FRMD4B: variants seen among roughly 807,000 people sequenced by gnomAD.
FRMD4B encodes FERM domain containing 4B.
Under a neutral mutation model 141.5 loss-of-function variants are expected in FRMD4B, and 74 were observed. The ratio of observed to expected loss-of-function variants is 0.52; its 90% CI spans 0.43 to 0.63. FRMD4B has a LOEUF of 0.63. Among genes scored for constraint, FRMD4B ranks in the 30% least tolerant of loss-of-function variants. The probability of loss-of-function intolerance (pLI) is 0.00; values close to 1 mark genes in which losing one functional copy is unlikely to be tolerated. For synonymous variants in FRMD4B, 506 were observed against 467.9 expected (o/e 1.08, Z -1.05); for missense variants, 1,366 against 1,253.4 (o/e 1.09, Z -1.36).
intron 1 of FRMD4B, among the ~76,000 whole-genome samples, chr3:69,326,208 C>T (rs1485382989): frequency 1.3e-5 from 2 of 151,180 alleles, no homozygotes; most frequent in Admixed American, 6.6e-5. Flanking sequence ...CCTCCCGCCT[C>T]GGCCTCCCAT....
At chr3:69,182,882 G>A (rs947196486) in intron 19 of FRMD4B, among the ~76,000 whole-genome samples, 165 bp from the exon 20 acceptor site, 1 of 152,078 alleles carries the variant, frequency 6.6e-6, no homozygotes, top group African/African-American at 2.4e-5. Flanking sequence ...AAGAAAACCC[G>A]CTAAAACAGC....
intron 1 of FRMD4B, among the ~76,000 whole-genome samples, chr3:69,336,145 A>G (rs1252164789): frequency 1.3e-5 from 2 of 152,064 alleles, no homozygotes; most frequent in Admixed American, 6.6e-5. Flanking sequence ...ACAGTTTAAG[A>G]AAAAAAAGGC....
chr3:69,252,322 A>C (rs1039427691), intron 5 of FRMD4B, among the ~76,000 whole-genome samples: 6 of 152,194 alleles, frequency 3.9e-5, no homozygotes, highest in Admixed American at 3.3e-4. Flanking sequence ...TGGGGAGCAA[A>C]TATCCAACTC....
At chr3:69,234,768 T>C (rs937984219) in intron 7 of FRMD4B, among the ~76,000 whole-genome samples, 6 of 152,178 alleles carry the variant, frequency 3.9e-5, no homozygotes, top group East Asian at 1.9e-4. Flanking sequence ...CCAGACCTAC[T>C]GGATCAGAAA....
chr3:69,173,975 A>G (rs779190651), intron 22 of FRMD4B, among the ~76,000 whole-genome samples: 1 of 152,128 alleles, frequency 6.6e-6, no homozygotes, highest in Non-Finnish European at 1.5e-5. Flanking sequence ...TGTCTCTATT[A>G]AAAATACAAA....
At chr3:69,537,039 C>T (rs984006492) in intron 1 of FRMD4B, among the ~76,000 whole-genome samples, 1 of 152,220 alleles carries the variant, frequency 6.6e-6, no homozygotes, top group African/African-American at 2.4e-5. Context: ...TGAGCCACTG[C>T]ACCCCACCAG....
Position 69,267,589 on chromosome 3 carries a change from GTGTGTGTATATA to G in FRMD4B, c.502-17502_502-17491del, listed in dbSNP as rs1482213515. Among the ~76,000 whole-genome samples the G allele has an allele frequency of 3.6e-4, 36 of 101,328 alleles. 1 individual carries two copies. The highest frequency in any genetic ancestry group is 8.5e-4 in the African/African-American group (20 of 23,490). 66.5% of individuals were successfully genotyped at this position (101,328 alleles called of 152,430 possible). ...TACATATATATATATGTGTGTGTGT[GTGTGTGTATATA>G]TATATATATATATATATATATATAT... On this transcript the variant is annotated intron_variant, in intron 5 of 22. Transcript: ENST00000398540.
Position 69,182,675 on chromosome 3 carries a change from C to T in FRMD4B, c.1962G>A (p.Glu654=), listed in dbSNP as rs770454855. 192 of 1,613,544 alleles carry T rather than the reference C, an allele frequency of 1.2e-4. No individual in the cohort carries two copies. Among genetic ancestry groups the T allele is most frequent in the Non-Finnish European group, 1.6e-4 (189 of 1,179,652 alleles). The change falls in exon 20 of 23, where the codon GAG becomes GAA. Residue 654 remains glutamate, a synonymous_variant. Coordinates refer to ENST00000398540, the MANE Select transcript of FRMD4B (RefSeq NM_015123.3). ...STHSSPYKTL[E]RRPQGGRSMP... ...TGCTTCGTCCTCCCTGGGGCCGCCT[C>T]TCCAGAGTTTTGTAAGGGCTGCTGT...
In FRMD4B at chr3:69,180,881, T is replaced by C; in HGVS notation, c.2851+18A>G. On this transcript the variant is annotated intron_variant, in intron 21 of 22. Coordinates refer to ENST00000398540, the MANE Select transcript of FRMD4B (RefSeq NM_015123.3). ...GTAAATAAAATCCAGGTGTTGCGTG[T>C]TTTTACAGTATTCTCACCTGAAGAG... 6.6e-7 allele frequency: 1 copy of C among 1,524,982 alleles called. No homozygotes were observed. Among genetic ancestry groups the C allele is most frequent in the African/African-American group, 1.4e-5 (1 of 72,864 alleles). 94.5% of individuals were successfully genotyped at this position (1,524,982 alleles called of 1,614,324 possible).
In FRMD4B at chr3:69,446,848, A is replaced by G. The variant is rs77665174; in HGVS notation, c.-128-14087T>C. On this transcript the variant is annotated intron_variant, in intron 1 of 5. Transcript: ENST00000459638. Reference sequence around the variant, plus strand: ...AAGACCCTTTGGAGACATCAGTCAAATGAAATTTAAGCCTCATTGACAAGC... The same window carrying G: ...AAGACCCTTTGGAGACATCAGTCAAGTGAAATTTAAGCCTCATTGACAAGC... Among the ~76,000 whole-genome samples the G allele has an allele frequency of 2.1e-3, 315 of 152,332 alleles. 1 individual carries two copies. The highest frequency in any genetic ancestry group is 3.4e-3 in the Non-Finnish European group (232 of 68,036).
In FRMD4B at chr3:69,319,182, A is replaced by T. The variant is rs77787868; in HGVS notation, c.163-5665T>A. On this transcript the variant is annotated intron_variant, in intron 1 of 22. Transcript: ENST00000398540. Reference sequence around the variant, plus strand: ...TGACAAGTGATGTAACTTGCACAGGAGTTCTAATGCAGTTATACTCTGGAT... The same window carrying T: ...TGACAAGTGATGTAACTTGCACAGGTGTTCTAATGCAGTTATACTCTGGAT... 9.3e-3 allele frequency among the ~76,000 whole-genome samples: 1,423 copies of T among 152,340 alleles called. 16 individuals carry two copies. The highest frequency in any genetic ancestry group is 0.015 in the Admixed American group (236 of 15,302).
rs1306028280 is a variant in FRMD4B at position 69,510,328 on chromosome 3, A to G, written c.-129+31878T>C. 2.0e-5 allele frequency among the ~76,000 whole-genome samples: 3 copies of G among 152,210 alleles called. No individual in the cohort carries two copies. In the East Asian group the frequency reaches 5.8e-4, roughly 29 times the overall value. ...CCAAATAAAGATGAGAAATGAAGTC[A>G]GTCCAGAAGTCTATATAAAAACTAT... On this transcript the variant is annotated intron_variant, in intron 1 of 5. Coordinates refer to the FRMD4B transcript ENST00000459638.
intron 4 of FRMD4B, among the ~76,000 whole-genome samples, chr3:69,299,840 T>A (rs9822384): frequency 0.13 from 19,260 of 151,950 alleles, 1,290 homozygotes; most frequent in East Asian, 0.18. Flanking sequence ...TGTCCATGAA[T>A]GAGGGGCTTC....
intron 1 of FRMD4B, among the ~76,000 whole-genome samples, chr3:69,477,588 C>T (rs938557634): frequency 6.6e-6 from 1 of 151,900 alleles, no homozygotes; most frequent in Admixed American, 6.6e-5. Flanking sequence ...TTTTGATGTG[C>T]TGCTAGATTT....
At chr3:69,260,963 A>G (rs549422371) in intron 5 of FRMD4B, among the ~76,000 whole-genome samples, 2 of 152,334 alleles carry the variant, frequency 1.3e-5, no homozygotes, top group African/African-American at 2.4e-5. Context: ...CGGACCAATC[A>G]GCTCTCTGTA....
intron 2 of FRMD4B, among the ~76,000 whole-genome samples, chr3:69,412,875 G>T (rs918691494): frequency 8.8e-6 from 1 of 113,232 alleles, no homozygotes; most frequent in Non-Finnish European, 1.7e-5. Flanking sequence ...TTTTTGAGAC[G>T]AGAAGCTCCA....
At chr3:69,339,341 T>A (rs1185725582) in intron 1 of FRMD4B, among the ~76,000 whole-genome samples, 2 of 152,204 alleles carry the variant, frequency 1.3e-5, no homozygotes, top group Non-Finnish European at 2.9e-5. Flanking sequence ...GACTTTGGAA[T>A]CAGGCAAACC....
chr3:69,246,534 CT>C (rs1294608438), intron 7 of FRMD4B, among the ~76,000 whole-genome samples: 1 of 152,088 alleles, frequency 6.6e-6, no homozygotes, highest in Non-Finnish European at 1.5e-5. Flanking sequence ...AAAACATATC[CT>C]CTCTATTCAG....
chr3:69,405,199 T>C (rs895162506), intron 2 of FRMD4B, among the ~76,000 whole-genome samples: 1 of 152,228 alleles, frequency 6.6e-6, no homozygotes, highest in African/African-American at 2.4e-5. Context: ...AGTTCATTCA[T>C]TTTCTCTGGT....
Sources: gnomAD v4.1 joint callset for allele counts (sites outside exome capture counted in the v4.1 genomes callset) on GRCh38, gnomAD v4.1.1 for gene constraint, MANE v1.5 for transcripts, NCBI Gene and HGNC (gene_info 2026-07-23, HGNC 2026-07-21) for gene names.